The following PWWP2A variants were observed in gnomAD, a reference collection of about 807,000 sequenced individuals.
PWWP2A encodes PWWP domain-containing protein 2A.
In PWWP2A, 18 loss-of-function variants were observed where a neutral mutation model predicts 48.5. That is an observed-to-expected ratio of 0.37 (90% confidence interval 0.26 to 0.55). The LOEUF (loss-of-function observed/expected upper bound fraction) is 0.55, where lower values mean the gene tolerates loss of function less well. Ranked by LOEUF, PWWP2A falls within the 20% of genes least tolerant of loss-of-function variation. The pLI is 0.81. For missense variants in PWWP2A, 867 were observed against 976.4 expected, an observed-to-expected ratio of 0.89 and a Z score of 1.49; for synonymous variants, 396 against 387.7, an observed-to-expected ratio of 1.02 and a Z score of -0.25.
intron 1 of PWWP2A, among the ~76,000 whole-genome samples, chr5:160,115,550 G>A (rs774108375): frequency 1.5e-4 from 23 of 151,696 alleles, no homozygotes; most frequent in East Asian, 3.9e-4. Context: ...AAAATTAGCC[G>A]GGCGTGGTGG....
At chr5:160,051,048 G>A in the PWWP2A span, 25 of 1,123,426 alleles carry the variant, frequency 2.2e-5, no homozygotes, top group Non-Finnish European at 3.2e-5. Context: ...GGATTCTTGT[G>A]TTTCTCAAAT....
intron 1 of PWWP2A, among the ~76,000 whole-genome samples, chr5:160,102,110 C>CAAAA (rs61608471): frequency 0.011 from 668 of 58,972 alleles, 10 homozygotes; most frequent in African/African-American, 0.039. Flanking sequence ...AACTTGGTGT[C>CAAAA]AAAAAAAAAA....
chr5:160,111,554 G>A (rs1205770651), intron 1 of PWWP2A, among the ~76,000 whole-genome samples: 1 of 151,914 alleles, frequency 6.6e-6, no homozygotes, highest in African/African-American at 2.4e-5. Context: ...GGATCACTTG[G>A]ACCCAGGAGT....
the PWWP2A span, among the ~76,000 whole-genome samples, chr5:160,047,362 C>T: frequency 2.0e-5 from 3 of 152,258 alleles, no homozygotes; most frequent in South Asian, 2.1e-4. Flanking sequence ...ATTGTTCTTT[C>T]GTGTCACATG....
chr5:160,067,476 T>C (rs1005427976), intron 2 of PWWP2A, among the ~76,000 whole-genome samples: 1 of 152,112 alleles, frequency 6.6e-6, no homozygotes, highest in South Asian at 2.1e-4. Flanking sequence ...CTCCAAGGAA[T>C]AGGAAATAGA....
At chr5:160,059,288 C>G (rs1757632979), downstream of PWWP2A, among the ~76,000 whole-genome samples, 1 of 152,236 alleles carries the variant, frequency 6.6e-6, no homozygotes, top group African/African-American at 2.4e-5. Context: ...TCTATGTCAG[C>G]CTTTGCTGCT....
At chr5:160,047,107 A>T in the PWWP2A span, among the ~76,000 whole-genome samples, 1 of 152,206 alleles carries the variant, frequency 6.6e-6, no homozygotes, top group African/African-American at 2.4e-5. Context: ...TTTAAAATAT[A>T]AAACTAATAA....
At chr5:160,058,141 A>C (rs1031703051), downstream of PWWP2A, among the ~76,000 whole-genome samples, 2 of 152,202 alleles carry the variant, frequency 1.3e-5, no homozygotes, top group African/African-American at 2.4e-5. Flanking sequence ...AGGAGATTCC[A>C]TCTCAAGAAA....
chr5:160,089,197 T>C (rs896308439), downstream of PWWP2A, among the ~76,000 whole-genome samples: 4 of 152,064 alleles, frequency 2.6e-5, no homozygotes, highest in African/African-American at 7.2e-5. Context: ...CACTGATATA[T>C]AGGGTTTTTT....
downstream of PWWP2A, among the ~76,000 whole-genome samples, chr5:160,059,999 G>A (rs1351746931): frequency 1.3e-5 from 2 of 152,204 alleles, no homozygotes; most frequent in Admixed American, 6.5e-5. Context: ...AAGTCTGCCT[G>A]TATAAGAATT....
chr5:160,090,252 T>A, downstream of PWWP2A: 3 of 985,376 alleles, frequency 3.0e-6, no homozygotes, highest in Non-Finnish European at 3.6e-6. Context: ...TACCAAGCAC[T>A]TGACCATATC....
At chr5:160,103,087 C>T (rs1456586635) in intron 1 of PWWP2A, among the ~76,000 whole-genome samples, 1 of 152,124 alleles carries the variant, frequency 6.6e-6, no homozygotes, top group Admixed American at 6.5e-5. Context: ...ATGATGTCTT[C>T]AACTCAGTCT....
chr5:160,115,039 A>G (rs943707788), intron 1 of PWWP2A, among the ~76,000 whole-genome samples: 3 of 147,520 alleles, frequency 2.0e-5, no homozygotes, highest in Non-Finnish European at 4.5e-5. Flanking sequence ...CAGGAGGCTG[A>G]GGCAGAAGAA....
chr5:160,077,054 T>C lies in PWWP2A; in HGVS notation c.*1101A>G, dbSNP rs189016414. On this transcript the variant is annotated 3_prime_UTR_variant, in exon 4 of 4. Coordinates refer to the PWWP2A transcript ENST00000456329. This position sits in a 1 kb window ranked among gnomAD's most constrained non-coding sequence, Gnocchi z 4.2. Reference sequence around the variant, plus strand: ...TCTCCATTCATTAAAAAAGAAAAATTAAGGTCTTTTATATATTTACCAAAG... The same window carrying C: ...TCTCCATTCATTAAAAAAGAAAAATCAAGGTCTTTTATATATTTACCAAAG... 8 of 147,026 alleles carry C rather than the reference T, an allele frequency of 5.4e-5. No individual in the cohort carries two copies. In the Admixed American group the frequency reaches 5.6e-4, roughly 10 times the overall value. The allele number at this position is 147,026 out of a possible 1,614,324, so 9.1% of individuals were successfully genotyped here. A position where few individuals can be genotyped will look rare whatever the true frequency, so the allele number is the denominator to read the frequency against.
At chr5:160,051,211 C>G in the PWWP2A span, 1 of 1,586,190 alleles carries the variant, frequency 6.3e-7, no homozygotes, top group Non-Finnish European at 8.6e-7. Flanking sequence ...TTTGCTTGAT[C>G]ATAAACAGCT....
chr5:160,047,672 C>T, the PWWP2A span, among the ~76,000 whole-genome samples: 140 of 152,294 alleles, frequency 9.2e-4, no homozygotes, highest in African/African-American at 3.2e-3. Context: ...CTTTCCCTGG[C>T]CAGGAAGGTC....
Position 160,092,430 on chromosome 5 carries a change from C to T in PWWP2A, c.2220G>A (p.Lys740=), listed in dbSNP as rs1386026568. The T allele has an allele frequency of 1.3e-6, 2 of 1,550,728 alleles. No individual in the cohort carries two copies. The highest frequency in any genetic ancestry group is 1.4e-5 in the African/African-American group (1 of 72,990). Residue 740 remains lysine, a synonymous_variant, in exon 2 of 2, where the codon AAG becomes AAA. Coordinates refer to ENST00000307063, the MANE Select transcript of PWWP2A (RefSeq NM_001130864.2). ...AAGCCCGCACTTCGGGGGTCAGCTG[C>T]TTGGCAGCCTTAGCTGCCTCTGTGA... ...KAITEAAKAA[K]QLTPEVRALL...
chr5:160,118,884 T>G lies in PWWP2A; in HGVS notation c.505A>C (p.Ile169Leu). 6.3e-7 allele frequency: 1 copy of G among 1,599,210 alleles called. No homozygotes were observed. Among genetic ancestry groups the G allele is most frequent in the Non-Finnish European group, 8.5e-7 (1 of 1,174,196 alleles). Residue 169 changes from isoleucine (I) to leucine (L), a missense_variant, in exon 1 of 2, where the codon ATC (isoleucine) becomes CTC (leucine). Ile to Leu is a conservative substitution (Grantham distance 5, BLOSUM62 2). Coordinates refer to ENST00000307063, the MANE Select transcript of PWWP2A (RefSeq NM_001130864.2). ...GSEVRVTLDH[I>L]IEDALVVSFR... is the part of the protein sequence containing the mutation. Reference sequence around the variant, plus strand: ...GACACGACAAGCGCGTCCTCAATGATGTGGTCCAGCGTGACCCGCACCTCC... The same window carrying G: ...GACACGACAAGCGCGTCCTCAATGAGGTGGTCCAGCGTGACCCGCACCTCC...
downstream of PWWP2A, chr5:160,089,953 A>G (rs1191865009): frequency 2.0e-6 from 2 of 984,932 alleles, no homozygotes; most frequent in Non-Finnish European, 2.4e-6. Context: ...CATTGGAATA[A>G]AAGTTTTTAA....
Sources: allele counts gnomAD v4.1 joint callset (sites outside exome capture counted in the v4.1 genomes callset), GRCh38; gene constraint gnomAD v4.1.1; non-coding constraint Gnocchi (gnomAD v3.1); transcripts MANE v1.5; gene names NCBI Gene and HGNC (gene_info 2026-07-23, HGNC 2026-07-21).